Variants in DUS1L observed in about 807,000 individuals in gnomAD.
The protein encoded by DUS1L is tRNA-dihydrouridine(16/17) synthase [NAD(P)(+)]-like.
DUS1L carries 56 observed loss-of-function variants against 61.2 expected under a neutral mutation model. That is an observed-to-expected ratio of 0.92 (90% CI 0.74 to 1.14). DUS1L has a LOEUF of 1.14. DUS1L is among the 50% of genes most tolerant of loss of function. The pLI, the probability that DUS1L is intolerant of heterozygous loss-of-function variation, is 0.00. For missense variants in DUS1L, 630 were observed against 632.4 expected (o/e 1.00, Z 0.04); for synonymous variants, 278 against 259.5 (o/e 1.07, Z -0.69).
At chr17:82,063,345 A>G in intron 4 of DUS1L, 123 bp downstream of exon 4, 1 of 1,358,812 alleles carries the variant, frequency 7.4e-7, no homozygotes, top group Non-Finnish European at 1.0e-6. Flanking sequence ...AGGAAGCCCC[A>G]GGGTGATGCT....
At chr17:82,060,612 G>A in intron 10 of DUS1L, 89 bp downstream of exon 10, 16 of 1,490,124 alleles carry the variant, frequency 1.1e-5, no homozygotes, top group Non-Finnish European at 1.4e-5. Flanking sequence ...TAATGGCTGA[G>A]GACAAGCAGG....
chr17:82,060,353 C>T (rs562521759), intron 10 of DUS1L: 1 of 593,036 alleles, frequency 1.7e-6, no homozygotes, highest in African/African-American at 1.9e-5. Context: ...CACGGATGGC[C>T]TCACCTCTGA....
chr17:82,058,822 G>A lies in DUS1L; in HGVS notation c.1169-4C>T. ...TGGTCACACTTTGCATATTTTGCTA[G>A]GAAAAGAACAAAAGGGTGCTGGTGA... is the stretch of plus-strand genomic sequence containing the variant. On this transcript the variant is annotated splice_polypyrimidine_tract_variant and splice_region_variant and intron_variant, in intron 11 of 13. Coordinates refer to ENST00000306796, the MANE Select transcript of DUS1L (RefSeq NM_022156.5). 1.2e-6 allele frequency: 2 copies of A among 1,612,852 alleles called. No individual in the cohort carries two copies. Among genetic ancestry groups the A allele is most frequent in the South Asian group, 2.2e-5 (2 of 91,064 alleles).
At position 82,060,938 on chromosome 17, in the gene DUS1L, C is replaced by T. The variant is rs766523278; in HGVS notation, c.866G>A (p.Arg289Gln). Residue 289 changes from arginine (R) to glutamine (Q), a missense_variant, in exon 9 of 14, where the codon CGA (arginine) becomes CAA (glutamine). By Grantham distance (43) the Arg-to-Gln change is conservative. Coordinates refer to ENST00000306796, the MANE Select transcript of DUS1L (RefSeq NM_022156.5). ...GGTCTTCACCTTGGCCAGCTCCTCT[C>T]GCAGCTCCTGGTGCACCTGCAGCCT... ...HHTLQVHQEL[R>Q]EELAKVKTLE... is the part of the protein sequence containing the mutation. 1.2e-5 allele frequency: 19 copies of T among 1,610,360 alleles called. No homozygotes were observed. The highest frequency in any genetic ancestry group is 7.7e-5 in the South Asian group (7 of 91,020).
intron 3 of DUS1L, 53 bp from the exon 4 acceptor site, chr17:82,063,571 C>T (rs367703767): frequency 1.4e-4 from 225 of 1,609,182 alleles, no homozygotes; most frequent in African/African-American, 2.8e-4. Context: ...CTGGTGGGGC[C>T]GAAGCCTTGC....
intron 1 of DUS1L, 198 bp from the exon 2 acceptor site, chr17:82,065,267 G>T: frequency 5.4e-6 from 3 of 556,218 alleles, no homozygotes; most frequent in Non-Finnish European, 9.5e-6. Flanking sequence ...CCTCGGGGGA[G>T]CCGCTGGACC....
chr17:82,058,840 G>A (rs774623441), intron 11 of DUS1L, 22 bp from the exon 12 acceptor site: 1 of 1,605,636 alleles, frequency 6.2e-7, no homozygotes, highest in South Asian at 1.1e-5. Flanking sequence ...ACAAAAGGGT[G>A]CTGGTGAGTG....
At chr17:82,062,095 G>A (rs1568090086) in intron 5 of DUS1L, 112 bp from the exon 6 acceptor site, 1 of 885,154 alleles carries the variant, frequency 1.1e-6, no homozygotes, top group Non-Finnish European at 1.6e-6. Flanking sequence ...AGCCCCCTCT[G>A]CCCCTCCCAG....
rs1212956616 is a variant in DUS1L at position 82,065,716 on chromosome 17, C to T, written c.-114G>A. 2 of 147,722 alleles carry T rather than the reference C, an allele frequency of 1.4e-5. No individual in the cohort carries two copies. The highest frequency in any genetic ancestry group is 3.0e-5 in the Non-Finnish European group (2 of 66,386). The allele number at this position is 147,722 out of a possible 1,614,324, so 9.2% of individuals were successfully genotyped here. On this transcript the variant is annotated 5_prime_UTR_variant, in exon 1 of 14. Coordinates refer to ENST00000306796, the MANE Select transcript of DUS1L (RefSeq NM_022156.5). ...CTCCGGCCTCGCCGCCGCCCGGGGC[C>T]CCTGCAGCTCCCGGGGCGCCGCGAA...
At chr17:82,064,287 C>T (rs2033657933) in intron 2 of DUS1L, 53 bp from the exon 3 acceptor site, 1 of 1,496,310 alleles carries the variant, frequency 6.7e-7, no homozygotes. Context: ...TAGTCCCTTG[C>T]TGCCCAGCCC....
intron 4 of DUS1L, chr17:82,063,255 C>G: frequency 1.5e-6 from 1 of 674,128 alleles, no homozygotes; most frequent in African/African-American, 1.8e-5. Flanking sequence ...CTGGCACCTA[C>G]TGTCTGGTTT....
chr17:82,058,137 A>G lies in DUS1L; in HGVS notation c.1400T>C (p.Val467Ala). Residue 467 changes from valine (V) to alanine (A), a missense_variant, in exon 14 of 14, where the codon GTC becomes GCC. Val to Ala is a moderately conservative substitution (Grantham distance 64, BLOSUM62 0). Coordinates refer to ENST00000306796, the MANE Select transcript of DUS1L (RefSeq NM_022156.5). Reference sequence around the variant, plus strand: ...CCTTCAGGCCAGGGCACTGCCCATGACTTCGGAGAAGCCACCTGGTGTTCC... The same window carrying G: ...CCTTCAGGCCAGGGCACTGCCCATGGCTTCGGAGAAGCCACCTGGTGTTCC... ...APGTPGGFSE[V>A]MGSALA 3.8e-6 allele frequency: 6 copies of G among 1,588,570 alleles called. No individual in the cohort carries two copies. The highest frequency in any genetic ancestry group is 4.3e-6 in the Non-Finnish European group (5 of 1,162,936).
chr17:82,060,904 G>A lies in DUS1L; in HGVS notation c.900C>T (p.Gly300=). ...EELAKVKTLE[G]IAAVSQELKL... is the part of the protein sequence containing the mutation. ...TCAGCTCCTGGCTCACAGCAGCGAT[G>A]CCCTCCAGGGTCTTCACCTTGGCCA... is the stretch of plus-strand genomic sequence containing the variant. The change falls in exon 9 of 14, where the codon GGC becomes GGT. Residue 300 remains glycine (G), a synonymous_variant. Transcript: ENST00000306796. 6.2e-7 allele frequency: 1 copy of A among 1,611,484 alleles called. No homozygotes were observed. Among genetic ancestry groups the A allele is most frequent in the Non-Finnish European group, 8.5e-7 (1 of 1,179,916 alleles).
Position 82,061,756 on chromosome 17 carries a change from G to A in DUS1L, c.594-35C>T, listed in dbSNP as rs749775802. ...GAGAAATGCCTGTTTCCACCCGCCC[G>A]GAACAGCACCCAGGTGATGCTGCCC... On this transcript the variant is annotated intron_variant, in intron 6 of 13. Transcript: ENST00000306796. The A allele has an allele frequency of 2.4e-5, 38 of 1,608,922 alleles. No homozygotes were observed. The South Asian group carries it at 3.1e-4, about 13-fold the overall frequency.
chr17:82,060,731 T>C lies in DUS1L; in HGVS notation c.992A>G (p.His331Arg), dbSNP rs1213624948. Residue 331 changes from histidine (H) to arginine (R), a missense_variant, in exon 10 of 14, where the codon CAC (histidine) becomes CGC (arginine). His to Arg is a conservative substitution (Grantham distance 29, BLOSUM62 0). Coordinates refer to ENST00000306796, the MANE Select transcript of DUS1L (RefSeq NM_022156.5). Reference protein sequence around the residue: ...GAKPTGDLPFHWICQPYIRPG... With the variant: ...GAKPTGDLPFRWICQPYIRPG... ...CCGGATGTAGGGCTGGCAGATCCAG[T>C]GGAAGGGCAAGTCGCCGGTGGGCTT... 6.2e-7 allele frequency: 1 copy of C among 1,612,976 alleles called. No individual in the cohort carries two copies. Among genetic ancestry groups the C allele is most frequent in the South Asian group, 1.1e-5 (1 of 91,040 alleles).
chr17:82,058,246 A>C lies in DUS1L; in HGVS notation c.1291T>G (p.Leu431Val). 6.3e-7 allele frequency: 1 copy of C among 1,580,442 alleles called. No individual in the cohort carries two copies. Among genetic ancestry groups the C allele is most frequent in the Non-Finnish European group, 8.6e-7 (1 of 1,157,608 alleles). ...TTCTCCAATTTGGTTTTAAAAAGCA[A>C]TCCGTGACCTGGCAGAGCGAGTGAG... ...KETADCPGHG[L>V]LFKTKLEKSL... Residue 431 changes from leucine (L) to valine (V), a missense_variant, in exon 14 of 14, where the codon TTG (leucine) becomes GTG (valine). Transcript: ENST00000306796.
chr17:82,059,190 G>A (rs2033302393), intron 11 of DUS1L: 1 of 227,598 alleles, frequency 4.4e-6, no homozygotes. Context: ...CCAAGCAAAA[G>A]GGCCAAGAAG....
In DUS1L at chr17:82,060,874, C is replaced by A; in HGVS notation, c.930G>T (p.Leu310=). ...GIAAVSQELK[L]RCQEEISRQE... ...CAGCCCCAGCACCTGCCTGACACCG[C>A]AGCTTCAGCTCCTGGCTCACAGCAG... The change falls in exon 9 of 14, where the codon CTG becomes CTT. Residue 310 remains leucine (L), a synonymous_variant. Transcript: ENST00000306796. 8.1e-6 allele frequency: 13 copies of A among 1,612,118 alleles called. No homozygotes were observed. Among genetic ancestry groups the A allele is most frequent in the Non-Finnish European group, 1.0e-5 (12 of 1,179,892 alleles).
intron 12 of DUS1L, 26 bp downstream of exon 12, chr17:82,058,755 G>C: frequency 6.2e-7 from 1 of 1,613,156 alleles, no homozygotes; most frequent in Non-Finnish European, 8.5e-7. Flanking sequence ...TGAAGCCTTG[G>C]TGGCTTGCAG....
Sources: allele counts gnomAD v4.1 joint callset, GRCh38; gene constraint gnomAD v4.1.1; transcripts MANE v1.5; gene names NCBI Gene and HGNC (gene_info 2026-07-23, HGNC 2026-07-21).